The following DPP10 variants were observed in gnomAD, a reference collection of about 807,000 sequenced individuals.
DPP10 encodes dipeptidyl peptidase like 10, also known as inactive dipeptidyl peptidase 10.
In DPP10, 33 loss-of-function variants were observed where a neutral mutation model predicts 120.9. The ratio of observed to expected loss-of-function variants is 0.27; its 90% CI spans 0.21 to 0.37. The LOEUF is 0.37. Ranked by LOEUF, DPP10 falls within the 10% of genes least tolerant of loss-of-function variation. DPP10 has a pLI of 1.00. For synonymous variants in DPP10, 337 were observed against 326.1 expected (o/e 1.03, Z -0.36); for missense variants, 816 against 942.8 (o/e 0.87, Z 1.76).
chr2:115,284,778 A>G (rs13010082), intron 1 of DPP10, among the ~76,000 whole-genome samples: 61,660 of 151,708 alleles, frequency 0.41, 15,316 homozygotes, highest in Non-Finnish European at 0.56. Context: ...TGGTTAATCA[A>G]TGGGATAAAG....
chr2:115,295,755 C>G (rs192124847), intron 1 of DPP10, among the ~76,000 whole-genome samples: 137 of 152,012 alleles, frequency 9.0e-4, no homozygotes, highest in African/African-American at 3.1e-3. Context: ...TTAGCTGTAG[C>G]TGCCTCTTTA....
At chr2:114,532,267 A>ATATATATATG (rs1686059329) in intron 1 of DPP10, among the ~76,000 whole-genome samples, 3 of 25,906 alleles carry the variant, frequency 1.2e-4, no homozygotes, top group African/African-American at 2.4e-4. Context: ...ATATATATAT[A>ATATATATATG]TATATATATA....
intron 1 of DPP10, among the ~76,000 whole-genome samples, chr2:114,493,390 A>G (rs1483224187): frequency 1.3e-5 from 2 of 152,184 alleles, no homozygotes; most frequent in East Asian, 3.9e-4. Context: ...ATTTCTTTCA[A>G]GAAGAAAAAT....
intron 1 of DPP10, among the ~76,000 whole-genome samples, chr2:114,531,565 CAT>C (rs5833549): frequency 1.4e-5 from 2 of 147,446 alleles, no homozygotes; most frequent in African/African-American, 5.0e-5. Flanking sequence ...TATATGTATT[CAT>C]ATATATATTT....
At chr2:114,798,608 T>C (rs1392176043) in intron 1 of DPP10, among the ~76,000 whole-genome samples, 1 of 152,042 alleles carries the variant, frequency 6.6e-6, no homozygotes, top group East Asian at 1.9e-4. Flanking sequence ...AGAGCTAAAG[T>C]GCAGTGCTGG....
intron 1 of DPP10, among the ~76,000 whole-genome samples, chr2:115,163,686 CCT>C (rs2052610306): frequency 6.6e-6 from 1 of 152,184 alleles, no homozygotes; most frequent in Non-Finnish European, 1.5e-5. Context: ...AGCCGCCGAG[CCT>C]CTCTACTGCT....
intron 1 of DPP10, among the ~76,000 whole-genome samples, chr2:114,475,140 C>T (rs79853052): frequency 0.012 from 1,857 of 152,264 alleles, 35 homozygotes; most frequent in African/African-American, 0.042. Flanking sequence ...TAAGATCATC[C>T]GCACGGCACA....
intron 1 of DPP10, among the ~76,000 whole-genome samples, chr2:115,183,034 C>T (rs765946200): frequency 5.9e-5 from 9 of 151,908 alleles, no homozygotes; most frequent in Admixed American, 2.0e-4. Context: ...CACACACGTA[C>T]GTGCATGCGC....
chr2:115,571,844 CTT>C (rs2081355066), intron 5 of DPP10, among the ~76,000 whole-genome samples: 1 of 133,012 alleles, frequency 7.5e-6, no homozygotes, highest in Non-Finnish European at 1.6e-5. Flanking sequence ...CCTCCAATAT[CTT>C]GTGTGTGTGT....
At chr2:114,938,371 G>A (rs1405539932) in intron 1 of DPP10, among the ~76,000 whole-genome samples, 1 of 151,874 alleles carries the variant, frequency 6.6e-6, no homozygotes, top group Non-Finnish European at 1.5e-5. Flanking sequence ...ATAAATATTG[G>A]TACATAGGGT....
At chr2:114,454,580 C>G (rs981557023) in intron 1 of DPP10, among the ~76,000 whole-genome samples, 1 of 152,168 alleles carries the variant, frequency 6.6e-6, no homozygotes, top group African/African-American at 2.4e-5. Context: ...TATTTTAAGC[C>G]TCTCAATTGA....
chr2:115,599,491 T>A (rs1211361932), intron 5 of DPP10, among the ~76,000 whole-genome samples: 1 of 152,092 alleles, frequency 6.6e-6, no homozygotes, highest in Non-Finnish European at 1.5e-5. Flanking sequence ...TTCAGATGTT[T>A]ATTTATTTCA....
intron 1 of DPP10, among the ~76,000 whole-genome samples, chr2:114,656,940 A>T (rs1697007445): frequency 6.6e-6 from 1 of 152,188 alleles, no homozygotes; most frequent in Non-Finnish European, 1.5e-5. Context: ...AAAATAAAAA[A>T]TAAGATCAAC....
intron 1 of DPP10, among the ~76,000 whole-genome samples, chr2:114,580,707 A>G (rs1690425286): frequency 6.7e-6 from 1 of 149,526 alleles, no homozygotes; most frequent in African/African-American, 2.5e-5. Context: ...CACCGCATTA[A>G]TCATATCACA....
At chr2:114,839,213 A>G (rs555826093) in intron 1 of DPP10, among the ~76,000 whole-genome samples, 12 of 152,314 alleles carry the variant, frequency 7.9e-5, no homozygotes, top group African/African-American at 2.4e-4. Context: ...GTAAATGGCA[A>G]TTAAATACAT....
chr2:114,991,894 G>T (rs917993168), intron 1 of DPP10, among the ~76,000 whole-genome samples: 1 of 152,180 alleles, frequency 6.6e-6, no homozygotes, highest in East Asian at 1.9e-4. Context: ...CAGATGGAAA[G>T]ATACTTAGCT....
rs1399642920 is a variant in DPP10, at chr2:115,262,644, T to C, written c.61-46595T>C. ...CAAGTTTTCCACAAAATTTTGCTTA[T>C]GTAAAATTAAATAAGGTAACCTTTA... On this transcript the variant is annotated intron_variant, in intron 1 of 25. Transcript: ENST00000410059. Among the ~76,000 whole-genome samples the C allele has an allele frequency of 2.6e-5, 4 of 152,280 alleles. No individual in the cohort carries two copies. The East Asian group carries it at 5.8e-4, about 22-fold the overall frequency.
At chr2:115,046,010 CTG>C (rs10538369) in intron 1 of DPP10, among the ~76,000 whole-genome samples, 18 of 151,650 alleles carry the variant, frequency 1.2e-4, no homozygotes, top group African/African-American at 1.7e-4. Context: ...GTGTGTGTGT[CTG>C]TGTGTGTGTG....
intron 1 of DPP10, among the ~76,000 whole-genome samples, chr2:114,792,466 AC>A (rs1683339423): frequency 6.6e-6 from 1 of 152,242 alleles, no homozygotes; most frequent in Non-Finnish European, 1.5e-5. Context: ...GAACTATTCT[AC>A]AAAAAATAGT....
Sources: allele counts gnomAD v4.1 joint callset (sites outside exome capture counted in the v4.1 genomes callset), GRCh38; gene constraint gnomAD v4.1.1; transcripts MANE v1.5; gene names NCBI Gene and HGNC (gene_info 2026-07-23, HGNC 2026-07-21).